The following PAPPA2 variants were observed in gnomAD, a reference collection of about 807,000 sequenced individuals.
The protein encoded by PAPPA2 is pappalysin-2.
A neutral mutation model predicts 176.4 loss-of-function variants in PAPPA2; 86 were observed. That is an observed-to-expected ratio of 0.49 (90% CI 0.41 to 0.58). The LOEUF (loss-of-function observed/expected upper bound fraction) is 0.58. Among genes scored for constraint, PAPPA2 ranks in the 20% least tolerant of loss-of-function variants. PAPPA2 has a pLI of 0.00. For synonymous variants in PAPPA2, 809 were observed against 852.2 expected (o/e 0.95, Z 0.88); for missense variants, 2,073 against 2,256.9 (o/e 0.92, Z 1.65).
chr1:176,761,443 T>C (rs1663696244), intron 14 of PAPPA2, among the ~76,000 whole-genome samples: 2 of 151,862 alleles, frequency 1.3e-5, no homozygotes. Flanking sequence ...AGAGAGAGGG[T>C]ATTGCCAAAA....
Position 176,587,646 on chromosome 1 carries a change from A to T in PAPPA2, c.920-6878A>T, listed in dbSNP as rs867955787. On this transcript the variant is annotated intron_variant, in intron 2 of 22. Transcript: ENST00000367662. The stretch of plus-strand genomic sequence containing the variant: ...TCTCTGTTCTACTCCATTGGTCTTT[A>T]TGTCTGTTTTGGTAATAGGACCATG... 2.9e-4 allele frequency among the ~76,000 whole-genome samples: 44 copies of T among 152,240 alleles called. No individual in the cohort carries two copies. The Middle Eastern group carries it at 0.01, about 35-fold the overall frequency.
At chr1:176,586,616 A>G (rs1351158164) in intron 2 of PAPPA2, among the ~76,000 whole-genome samples, 3 of 152,304 alleles carry the variant, frequency 2.0e-5, no homozygotes, top group Non-Finnish European at 2.9e-5. Context: ...TGTGAAGGAC[A>G]TGATCTCTTT....
intron 2 of PAPPA2, among the ~76,000 whole-genome samples, chr1:176,570,151 T>G (rs1280991712): frequency 6.6e-6 from 1 of 152,074 alleles, no homozygotes. Flanking sequence ...GGAAGAGGAG[T>G]GTATATGCCT....
At chr1:176,580,114 C>T (rs1573071896) in intron 2 of PAPPA2, among the ~76,000 whole-genome samples, 1 of 152,114 alleles carries the variant, frequency 6.6e-6, no homozygotes, top group East Asian at 1.9e-4. Flanking sequence ...ATTCCTCCTA[C>T]CTAGCTGTAA....
At chr1:176,687,982 T>C (rs915275469) in intron 4 of PAPPA2, among the ~76,000 whole-genome samples, 7 of 152,190 alleles carry the variant, frequency 4.6e-5, no homozygotes, top group African/African-American at 1.7e-4. Flanking sequence ...TCCTCAAGCA[T>C]ATTTAACCAC....
intron 4 of PAPPA2, among the ~76,000 whole-genome samples, chr1:176,673,355 T>A (rs1444531963): frequency 6.6e-6 from 1 of 152,152 alleles, no homozygotes; most frequent in Non-Finnish European, 1.5e-5. Flanking sequence ...ATGGGTGTTT[T>A]GAGTTATGCT....
intron 4 of PAPPA2, among the ~76,000 whole-genome samples, chr1:176,679,861 A>C (rs560554767): frequency 6.6e-6 from 1 of 152,340 alleles, no homozygotes; most frequent in East Asian, 1.9e-4. Flanking sequence ...GCATAAATAG[A>C]GATGTACTGG....
At chr1:176,700,073 C>T (rs1262817689) in intron 8 of PAPPA2, among the ~76,000 whole-genome samples, 7 of 152,108 alleles carry the variant, frequency 4.6e-5, no homozygotes, top group African/African-American at 9.7e-5. Context: ...CATTCTTTCC[C>T]CTTCTCTCAT....
At chr1:176,665,271 G>C (rs950950082) in intron 3 of PAPPA2, among the ~76,000 whole-genome samples, 27 of 152,100 alleles carry the variant, frequency 1.8e-4, no homozygotes, top group African/African-American at 6.5e-4. Context: ...CTCCAGAAGG[G>C]TGTGCCTTTA....
chr1:176,586,339 A>G (rs1653306520), intron 2 of PAPPA2, among the ~76,000 whole-genome samples: 1 of 152,174 alleles, frequency 6.6e-6, no homozygotes, highest in East Asian at 1.9e-4. Context: ...TCTTCAAAAA[A>G]AAATAGGGAT....
chr1:176,640,126 T>C (rs972844661), intron 3 of PAPPA2, among the ~76,000 whole-genome samples: 1 of 151,220 alleles, frequency 6.6e-6, no homozygotes, highest in Non-Finnish European at 1.5e-5. Context: ...TATTTATCTA[T>C]TTTTATTTTT....
rs773914277 is a variant in PAPPA2 at position 176,594,685 on chromosome 1, C to G, written c.1081C>G (p.Pro361Ala). The change falls in exon 3 of 23, where the codon CCA becomes GCA. Residue 361 changes from proline to alanine, a missense_variant. Coordinates refer to ENST00000367662, the MANE Select transcript of PAPPA2 (RefSeq NM_020318.3). ...TILISHSRYQ[P>A]GTWTHVAATY... is the part of the protein sequence containing the mutation. The stretch of plus-strand genomic sequence containing the variant: ...CTTGATTAGCCACAGTCGCTACCAA[C>G]CAGGCACATGGACCCATGTGGCAGC... 7 of 1,614,220 alleles carry G rather than the reference C, an allele frequency of 4.3e-6. No individual in the cohort carries two copies. The highest frequency in any genetic ancestry group is 1.1e-5 in the South Asian group (1 of 91,088).
intron 1 of PAPPA2, among the ~76,000 whole-genome samples, chr1:176,526,006 G>T (rs1270141187): frequency 6.6e-6 from 1 of 152,174 alleles, no homozygotes; most frequent in African/African-American, 2.4e-5. Flanking sequence ...TATAAAAGCT[G>T]CCCAGTGACC....
chr1:176,511,595 T>C (rs1201443637), intron 1 of PAPPA2, among the ~76,000 whole-genome samples: 1 of 152,218 alleles, frequency 6.6e-6, no homozygotes, highest in Non-Finnish European at 1.5e-5. Flanking sequence ...CTGTGAAACA[T>C]CTGTGAAGAT....
intron 3 of PAPPA2, among the ~76,000 whole-genome samples, chr1:176,601,109 C>T (rs1654296985): frequency 6.6e-6 from 1 of 152,110 alleles, no homozygotes; most frequent in South Asian, 2.1e-4. Context: ...GCTCTGCCCT[C>T]GTGAATGGAT....
At chr1:176,821,507 A>G (rs1557892943) in intron 21 of PAPPA2, among the ~76,000 whole-genome samples, 1 of 152,242 alleles carries the variant, frequency 6.6e-6, no homozygotes, top group Non-Finnish European at 1.5e-5. Context: ...CTTCTCACTC[A>G]TGCATCTACA....
intron 22 of PAPPA2, among the ~76,000 whole-genome samples, chr1:176,841,417 A>T (rs1419536880): frequency 6.6e-6 from 1 of 151,932 alleles, no homozygotes; most frequent in Non-Finnish European, 1.5e-5. Flanking sequence ...ATGCTGGAAA[A>T]TTTCCCCACA....
chr1:176,710,028 A>C lies in PAPPA2; in HGVS notation c.3503A>C (p.Glu1168Ala). 6.2e-7 allele frequency: 1 copy of C among 1,613,552 alleles called. No individual in the cohort carries two copies. The highest frequency in any genetic ancestry group is 1.3e-5 in the African/African-American group (1 of 75,006). ...CYMYEGDGIC[E>A]PFERKTSIVD... ...ATGTATGAGGGAGATGGCATATGTG[A>C]ACCTTTTGAGAGAAAAACCAGCATT... is the stretch of plus-strand genomic sequence containing the variant. The change falls in exon 11 of 23, where the codon GAA becomes GCA. Residue 1168 changes from glutamate (E) to alanine (A), a missense_variant. Physicochemically the swap from Glu to Ala is moderately radical, Grantham distance 107 (BLOSUM62 -1). Coordinates refer to ENST00000367662, the MANE Select transcript of PAPPA2 (RefSeq NM_020318.3).
chr1:176,556,498 C>T lies in PAPPA2; in HGVS notation c.176C>T (p.Pro59Leu), dbSNP rs1179179190. Residue 59 changes from proline to leucine, a missense_variant, in exon 2 of 23, where the codon CCC (proline) becomes CTC (leucine). Transcript: ENST00000367662. ...RCWLGAKVRR[P>L]RASPQHHLFG... is the part of the protein sequence containing the mutation. ...TGGCTGGGGGCCAAGGTTCGAAGAC[C>T]CAGAGCTTCTCCACAGCATCACCTC... The T allele has an allele frequency of 1.2e-6, 2 of 1,614,064 alleles. No homozygotes were observed. The highest frequency in any genetic ancestry group is 2.2e-5 in the East Asian group (1 of 44,880).
Sources: gnomAD v4.1 joint callset for allele counts (sites outside exome capture counted in the v4.1 genomes callset) on GRCh38, gnomAD v4.1.1 for gene constraint, MANE v1.5 for transcripts, NCBI Gene and HGNC (gene_info 2026-07-23, HGNC 2026-07-21) for gene names.